DYNLT5: variants seen among roughly 807,000 people sequenced by gnomAD.
DYNLT5 encodes the protein dynein light chain Tctex-type 5.
In DYNLT5, 25 loss-of-function variants were observed where a neutral mutation model predicts 19.3. That is an observed-to-expected ratio of 1.30 (90% CI 0.95 to 1.81). The LOEUF (loss-of-function observed/expected upper bound fraction) is 1.81. Ranked by LOEUF, DYNLT5 falls within the 40% of genes most tolerant of loss-of-function variation. The pLI is 0.00. For missense variants in DYNLT5, 232 were observed against 217.9 expected (o/e 1.06, Z -0.41); for synonymous variants, 82 against 68.9 (o/e 1.19, Z -0.94).
chr1:66,776,201 C>A, intron 3 of DYNLT5, 78 bp from the exon 4 acceptor site: 2 of 1,507,248 alleles, frequency 1.3e-6, no homozygotes, highest in South Asian at 1.4e-5. Context: ...TGTTTCCATA[C>A]TCTTTTGATT....
chr1:66,776,250 T>C, intron 3 of DYNLT5, 29 bp from the exon 4 acceptor site: 1 of 1,607,806 alleles, frequency 6.2e-7, no homozygotes, highest in Non-Finnish European at 8.5e-7. Context: ...AAATTACTTT[T>C]TAGAAATAAA....
intron 2 of DYNLT5, among the ~76,000 whole-genome samples, chr1:66,758,558 G>A (rs1028025928): frequency 1.3e-5 from 2 of 152,136 alleles, no homozygotes; most frequent in Non-Finnish European, 2.9e-5. Flanking sequence ...CCCACTGATG[G>A]CATCTAACAT....
At chr1:66,767,984 C>T (rs186163932) in intron 2 of DYNLT5, among the ~76,000 whole-genome samples, 1 of 152,178 alleles carries the variant, frequency 6.6e-6, no homozygotes, top group East Asian at 1.9e-4. Context: ...AGGAATATTC[C>T]TACAAATGTA....
intron 2 of DYNLT5, among the ~76,000 whole-genome samples, chr1:66,768,914 C>T (rs764256416): frequency 1.3e-5 from 2 of 152,242 alleles, no homozygotes; most frequent in East Asian, 1.9e-4. Flanking sequence ...TGCCTCATTC[C>T]CTTTATCTCT....
rs1273365837 is a variant in DYNLT5, at chr1:66,777,325, G to C, written c.411G>C (p.Leu137=). The change falls in exon 5 of 5, where the codon CTG becomes CTC. Residue 137 remains leucine, a synonymous_variant. Coordinates refer to ENST00000282670, the MANE Select transcript of DYNLT5 (RefSeq NM_152665.3). Reference sequence around the variant, plus strand: ...TTGTGATTGTTCACATTGGACAACTGAACAGGCAGAGCATACTTATTGGAA... The same window carrying C: ...TTGTGATTGTTCACATTGGACAACTCAACAGGCAGAGCATACTTATTGGAA... The part of the protein sequence containing the change: ...KLIVIVHIGQ[L]NRQSILIGSR... 6.2e-7 allele frequency: 1 copy of C among 1,613,810 alleles called. No individual in the cohort carries two copies. The highest frequency in any genetic ancestry group is 8.5e-7 in the Non-Finnish European group (1 of 1,179,914).
intron 1 of DYNLT5, among the ~76,000 whole-genome samples, chr1:66,754,066 C>A (rs1365249420): frequency 6.6e-6 from 1 of 152,046 alleles, no homozygotes; most frequent in Non-Finnish European, 1.5e-5. Context: ...GCAACATAGA[C>A]CCTATCTCTA....
At chr1:66,763,300 A>G (rs1020387711) in intron 2 of DYNLT5, among the ~76,000 whole-genome samples, 63 of 152,232 alleles carry the variant, frequency 4.1e-4, no homozygotes, top group African/African-American at 1.4e-3. Flanking sequence ...TATAGAACAC[A>G]GTAGATTTAG....
At chr1:66,768,591 G>C (rs1435228789) in intron 2 of DYNLT5, 1 of 152,166 alleles carries the variant, frequency 6.6e-6, no homozygotes, top group East Asian at 1.9e-4. Context: ...TCAATCTTCA[G>C]TAACTGATAG....
chr1:66,761,257 G>A (rs1034744199), intron 2 of DYNLT5, among the ~76,000 whole-genome samples: 10 of 152,116 alleles, frequency 6.6e-5, no homozygotes, highest in Non-Finnish European at 1.3e-4. Context: ...CATAAAAATT[G>A]TTTACACTGT....
chr1:66,763,741 G>A (rs2094649840), intron 2 of DYNLT5, among the ~76,000 whole-genome samples: 1 of 152,168 alleles, frequency 6.6e-6, no homozygotes, highest in Non-Finnish European at 1.5e-5. Context: ...GGGAGTTAGG[G>A]CCTTGCTCTG....
intron 2 of DYNLT5, among the ~76,000 whole-genome samples, chr1:66,757,099 T>C (rs2094637290): frequency 1.3e-5 from 2 of 152,238 alleles, no homozygotes; most frequent in African/African-American, 4.8e-5. Context: ...GATTTGCTTG[T>C]CTATCTCTTT....
intron 4 of DYNLT5, 93 bp downstream of exon 4, chr1:66,776,496 T>A: frequency 7.0e-7 from 1 of 1,437,532 alleles, no homozygotes; most frequent in Non-Finnish European, 9.4e-7. Context: ...GGGAATTAAT[T>A]TGCAGTAACA....
intron 2 of DYNLT5, among the ~76,000 whole-genome samples, chr1:66,767,868 C>G (rs1269410457): frequency 2.0e-5 from 3 of 152,092 alleles, no homozygotes; most frequent in African/African-American, 7.2e-5. Context: ...TTTGAGGAAC[C>G]TCTCAGAATT....
chr1:66,763,188 A>G (rs2094648880), intron 2 of DYNLT5, among the ~76,000 whole-genome samples: 1 of 152,188 alleles, frequency 6.6e-6, no homozygotes, highest in South Asian at 2.1e-4. Context: ...TTTTAAAAGG[A>G]ATCTCTTTTT....
intron 2 of DYNLT5, among the ~76,000 whole-genome samples, chr1:66,764,087 C>T (rs146359414): frequency 6.6e-6 from 1 of 152,062 alleles, no homozygotes; most frequent in South Asian, 2.1e-4. Context: ...ACTTGGGAGA[C>T]TGAGGTGGGA....
chr1:66,763,841 T>G (rs1279007758), intron 2 of DYNLT5, among the ~76,000 whole-genome samples: 9 of 152,212 alleles, frequency 5.9e-5, no homozygotes, highest in Admixed American at 1.3e-4. Flanking sequence ...TAAGGTTGTT[T>G]TGCTTTCTTA....
intron 2 of DYNLT5, among the ~76,000 whole-genome samples, chr1:66,762,567 C>G (rs1460988420): frequency 6.6e-6 from 1 of 152,174 alleles, no homozygotes; most frequent in Non-Finnish European, 1.5e-5. Context: ...CTTTGACCTC[C>G]TCCCATGAAT....
chr1:66,765,365 T>G (rs2094652883), intron 2 of DYNLT5, among the ~76,000 whole-genome samples: 1 of 152,196 alleles, frequency 6.6e-6, no homozygotes, highest in African/African-American at 2.4e-5. Context: ...ATGCGTTCAA[T>G]ATTATCTCTT....
intron 2 of DYNLT5, among the ~76,000 whole-genome samples, chr1:66,758,993 A>C (rs2094641131): frequency 6.6e-6 from 1 of 152,138 alleles, no homozygotes; most frequent in Admixed American, 6.5e-5. Context: ...AACAAGACCT[A>C]CCTGAGATAT....
Sources: gnomAD v4.1 joint callset for allele counts (sites outside exome capture counted in the v4.1 genomes callset) on GRCh38, gnomAD v4.1.1 for gene constraint, MANE v1.5 for transcripts, NCBI Gene and HGNC (gene_info 2026-07-23, HGNC 2026-07-21) for gene names.